HSPA12A: variants seen among roughly 807,000 people sequenced by gnomAD.
HSPA12A encodes the protein heat shock 70 kDa protein 12A.
Under a neutral mutation model 69.2 loss-of-function variants are expected in HSPA12A, and 28 were observed. The observed-to-expected ratio is 0.40, with a 90% CI of 0.30 to 0.55. The LOEUF is 0.55. Among genes scored for constraint, HSPA12A ranks in the 20% least tolerant of loss-of-function variants. The probability of loss-of-function intolerance (pLI) is 0.38; values close to 1 mark genes in which losing one functional copy is unlikely to be tolerated. For synonymous variants in HSPA12A, 345 were observed against 370.5 expected, an observed-to-expected ratio of 0.93 and a Z score of 0.79; for missense variants, 686 against 900.7, an observed-to-expected ratio of 0.76 and a Z score of 3.05.
At position 116,681,584 on chromosome 10, in the gene HSPA12A, T is replaced by G. The variant is rs1335899629; in HGVS notation, c.922+207A>C. The stretch of plus-strand genomic sequence containing the variant: ...AATCATCTGCGTTTCACCAAAGACT[T>G]ACTCTGGAACTGATCAATTCCAATC... On this transcript the variant is annotated intron_variant, in intron 8 of 11. Transcript: ENST00000369209. Among the ~76,000 whole-genome samples, 8 of 152,206 alleles carry G rather than the reference T, an allele frequency of 5.3e-5. No individual in the cohort carries two copies. In the East Asian group the frequency reaches 1.5e-3, roughly 29 times the overall value.
intron 2 of HSPA12A, among the ~76,000 whole-genome samples, chr10:116,753,565 G>A (rs1554888527): frequency 6.6e-6 from 1 of 152,186 alleles, no homozygotes; most frequent in Non-Finnish European, 1.5e-5. Flanking sequence ...TAGACCTGGA[G>A]TGGAATCCCA....
chr10:116,685,027 T>C (rs12778616), intron 6 of HSPA12A, among the ~76,000 whole-genome samples: 32,471 of 152,154 alleles, frequency 0.21, 3,781 homozygotes, highest in Middle Eastern at 0.34. Flanking sequence ...GGTACACGGG[T>C]GTCCTCAGTT....
upstream of HSPA12A, among the ~76,000 whole-genome samples, chr10:116,742,775 C>G (rs1180976060): frequency 6.6e-6 from 1 of 151,914 alleles, no homozygotes; most frequent in Admixed American, 6.6e-5. Context: ...CCCGGCCTCT[C>G]CTCTCCCGGC....
upstream of HSPA12A, chr10:116,849,853 G>A: frequency 8.6e-7 from 1 of 1,159,022 alleles, no homozygotes; most frequent in Non-Finnish European, 1.2e-6. Flanking sequence ...CCGGGCCCTG[G>A]GCCTGCGTGT....
rs369606540 is a variant in HSPA12A at position 116,705,893 on chromosome 10, C to CTTTT, written c.127-619_127-616dup. ...AGGTTTCCAAGCCTTTCTCTCTCTC[C>CTTTT]TTTTTTTTTTTTTTTTTTTTGAGAC... On this transcript the variant is annotated intron_variant, in intron 2 of 11. Coordinates refer to ENST00000369209, the MANE Select transcript of HSPA12A (RefSeq NM_025015.3). Among the ~76,000 whole-genome samples, 65 of 115,620 alleles carry CTTTT rather than the reference C, an allele frequency of 5.6e-4. 1 individual carries two copies. Among genetic ancestry groups the CTTTT allele is most frequent in the African/African-American group, 1.6e-3 (49 of 30,856 alleles). 75.9% of individuals were successfully genotyped at this position (115,620 alleles called of 152,430 possible).
In HSPA12A at chr10:116,782,328, G is replaced by A. The variant is rs544065100; in HGVS notation, c.91+52607C>T. Among the ~76,000 whole-genome samples the A allele has an allele frequency of 2.6e-5, 4 of 152,356 alleles. No individual in the cohort carries two copies. In the East Asian group the frequency reaches 5.8e-4, roughly 22 times the overall value. ...GAAATTTGGCAATCTCTGAAAAGCTGAAGATACGTGAGCTTTGACACAGCA... is the reference window on the plus strand; with the variant it reads ...GAAATTTGGCAATCTCTGAAAAGCTAAAGATACGTGAGCTTTGACACAGCA... On this transcript the variant is annotated intron_variant, in intron 2 of 12. Coordinates refer to the HSPA12A transcript ENST00000635765.
At chr10:116,738,368 T>C (rs782348738) in intron 1 of HSPA12A, among the ~76,000 whole-genome samples, 26 of 152,070 alleles carry the variant, frequency 1.7e-4, no homozygotes, top group Admixed American at 9.8e-4. Context: ...CACCTACTAG[T>C]GTCCTTAGTA....
intron 2 of HSPA12A, among the ~76,000 whole-genome samples, chr10:116,774,349 C>A (rs1039441572): frequency 6.6e-6 from 1 of 152,164 alleles, no homozygotes; most frequent in Admixed American, 6.5e-5. Flanking sequence ...GAGCACTCTG[C>A]GAGGGTCCCA....
intron 3 of HSPA12A, 118 bp downstream of exon 3, chr10:116,705,033 A>G: frequency 5.5e-6 from 7 of 1,279,426 alleles, no homozygotes; most frequent in Non-Finnish European, 7.6e-6. Context: ...GCTTGAGCCA[A>G]GCTGGAACAG....
At chr10:116,769,218 A>G (rs1310520876) in intron 2 of HSPA12A, among the ~76,000 whole-genome samples, 2 of 152,100 alleles carry the variant, frequency 1.3e-5, no homozygotes, top group Admixed American at 6.5e-5. Flanking sequence ...CTTGGACTCT[A>G]TGCTGGACCT....
At chr10:116,800,835 G>T (rs1310291203) in intron 2 of HSPA12A, among the ~76,000 whole-genome samples, 1 of 152,178 alleles carries the variant, frequency 6.6e-6, no homozygotes, top group Non-Finnish European at 1.5e-5. Context: ...CAGCAAGAAA[G>T]TCATCTAAAG....
At chr10:116,806,922 C>T (rs1845080997) in intron 2 of HSPA12A, among the ~76,000 whole-genome samples, 7 of 152,194 alleles carry the variant, frequency 4.6e-5, no homozygotes, top group Admixed American at 3.9e-4. Context: ...TCCTGGGTTA[C>T]CCAGTTATAA....
chr10:116,846,688 C>A (rs908317301), intron 1 of HSPA12A, among the ~76,000 whole-genome samples: 1 of 152,224 alleles, frequency 6.6e-6, no homozygotes, highest in Non-Finnish European at 1.5e-5. Flanking sequence ...GTAATTCATT[C>A]ATTACAGGAA....
At chr10:116,791,972 A>G (rs1844709213) in intron 2 of HSPA12A, among the ~76,000 whole-genome samples, 1 of 152,092 alleles carries the variant, frequency 6.6e-6, no homozygotes, top group Non-Finnish European at 1.5e-5. Flanking sequence ...TGTTCTCTTG[A>G]AGAGACCCAC....
At chr10:116,719,120 A>G (rs1330340693) in intron 1 of HSPA12A, among the ~76,000 whole-genome samples, 4 of 152,178 alleles carry the variant, frequency 2.6e-5, no homozygotes, top group African/African-American at 9.6e-5. Flanking sequence ...CTGCTTCTTA[A>G]CTAAACCCCA....
chr10:116,737,806 C>T (rs1250790873), intron 1 of HSPA12A, among the ~76,000 whole-genome samples: 4 of 152,206 alleles, frequency 2.6e-5, no homozygotes, highest in African/African-American at 9.6e-5. Flanking sequence ...CTCAGAGCAG[C>T]ATCTGCAAAG....
At chr10:116,737,011 G>A (rs192851572) in intron 1 of HSPA12A, among the ~76,000 whole-genome samples, 1 of 152,202 alleles carries the variant, frequency 6.6e-6, no homozygotes, top group East Asian at 1.9e-4. Flanking sequence ...TCTACTTCAT[G>A]CCCGGCTCTA....
chr10:116,753,152 C>T (rs17677291), intron 2 of HSPA12A, among the ~76,000 whole-genome samples: 3,733 of 152,344 alleles, frequency 0.025, 70 homozygotes, highest in Non-Finnish European at 0.038. Flanking sequence ...CCTGTTGTTT[C>T]ACAGCCTGGC....
intron 2 of HSPA12A, among the ~76,000 whole-genome samples, chr10:116,783,676 A>G (rs1311041851): frequency 3.3e-5 from 5 of 152,194 alleles, no homozygotes; most frequent in Admixed American, 3.3e-4. Context: ...GTGGGGGGAA[A>G]AAAGAGCAAG....
Sources: allele counts gnomAD v4.1 joint callset (sites outside exome capture counted in the v4.1 genomes callset), GRCh38; gene constraint gnomAD v4.1.1; transcripts MANE v1.5; gene names NCBI Gene and HGNC (gene_info 2026-07-23, HGNC 2026-07-21).